EIF3K: variants seen among roughly 807,000 people sequenced by gnomAD.
EIF3K encodes eukaryotic translation initiation factor 3 subunit K.
A neutral mutation model predicts 34.2 loss-of-function variants in EIF3K; 27 were observed. That is an observed-to-expected ratio of 0.79 (90% CI 0.58 to 1.09). The LOEUF (loss-of-function observed/expected upper bound fraction) is 1.09. Among genes scored for constraint, EIF3K ranks in the 50% least tolerant of loss-of-function variants. The pLI, the probability that EIF3K is intolerant of heterozygous loss-of-function variation, is 0.00. For missense variants in EIF3K, 232 were observed against 275.4 expected, an observed-to-expected ratio of 0.84 and a Z score of 1.11; for synonymous variants, 105 against 105.7, an observed-to-expected ratio of 0.99 and a Z score of 0.04.
At chr19:38,622,731 CGACTATAAG>C (rs1975868998) in intron 2 of EIF3K, among the ~76,000 whole-genome samples, 1 of 152,208 alleles carries the variant, frequency 6.6e-6, no homozygotes, top group Non-Finnish European at 1.5e-5. Flanking sequence ...TCTGCAATCT[CGACTATAAG>C]AGACAGGTAC....
Position 38,620,366 on chromosome 19 carries a change from A to G in EIF3K, c.89A>G (p.Glu30Gly). 1 of 1,613,976 alleles carries G rather than the reference A, an allele frequency of 6.2e-7. No homozygotes were observed. The highest frequency in any genetic ancestry group is 8.5e-7 in the Non-Finnish European group (1 of 1,179,986). ...AATCCTGAGAACCTGGCCACCCTGG[A>G]GCGCTATGTAGAGACGCAGGCCAAG... ...RYNPENLATL[E>G]RYVETQAKEN... is the part of the protein sequence containing the mutation. Residue 30 changes from glutamate (E) to glycine (G), a missense_variant, in exon 2 of 8, where the codon GAG becomes GGG. Glu to Gly is a moderately conservative substitution (Grantham distance 98, BLOSUM62 -2). Coordinates refer to ENST00000248342, the MANE Select transcript of EIF3K (RefSeq NM_013234.4).
chr19:38,625,513 A>ATTTTTTTTTTT (rs1975930763), intron 3 of EIF3K, among the ~76,000 whole-genome samples: 1 of 127,544 alleles, frequency 7.8e-6, no homozygotes, highest in African/African-American at 3.7e-5. Flanking sequence ...TTTTGTTAAT[A>ATTTTTTTTTTT]TTTTCTTTTT....
At chr19:38,634,855 A>G in intron 6 of EIF3K, 138 bp from the exon 7 acceptor site, 5 of 1,272,020 alleles carry the variant, frequency 3.9e-6, no homozygotes, top group Non-Finnish European at 5.4e-6. Flanking sequence ...AGACCAGGCC[A>G]GCTGCTGCTG....
At chr19:38,633,747 C>T (rs1358218651) in intron 6 of EIF3K, among the ~76,000 whole-genome samples, 1 of 151,768 alleles carries the variant, frequency 6.6e-6, no homozygotes, top group Non-Finnish European at 1.5e-5. Flanking sequence ...GTGAGGGAGG[C>T]AGATCACGTG....
chr19:38,626,152 G>A, intron 4 of EIF3K, 50 bp downstream of exon 4: 1 of 1,561,654 alleles, frequency 6.4e-7, no homozygotes, highest in Non-Finnish European at 8.8e-7. Context: ...GCCATGTGGA[G>A]CTGAGTGCTA....
rs763429199 is a variant in EIF3K, at chr19:38,620,353, C to T, written c.76C>T (p.Leu26=). 5 of 1,613,980 alleles carry T rather than the reference C, an allele frequency of 3.1e-6. No homozygotes were observed. In the South Asian group the frequency reaches 3.3e-5, roughly 11 times the overall value. ...KGIDRYNPEN[L]ATLERYVETQ... ...CTCCTTTAGGTACAATCCTGAGAAC[C>T]TGGCCACCCTGGAGCGCTATGTAGA... The change falls in exon 2 of 8, where the codon CTG becomes TTG. Residue 26 remains leucine (L), a synonymous_variant. Coordinates refer to ENST00000248342, the MANE Select transcript of EIF3K (RefSeq NM_013234.4).
chr19:38,620,416 A>T lies in EIF3K; in HGVS notation c.139A>T (p.Asn47Tyr), dbSNP rs1478678514. The change falls in exon 2 of 8, where the codon AAC (asparagine) becomes TAC (tyrosine). Residue 47 changes from asparagine to tyrosine, a missense_variant. Transcript: ENST00000248342. ...GGAAAATGCCTATGATCTGGAAGCC[A>T]ACCTGGCTGTCCTGAAGCTGTAAGT... is the stretch of plus-strand genomic sequence containing the variant. ...AKENAYDLEA[N>Y]LAVLKLYQFN... is the part of the protein sequence containing the mutation. 1 of 1,613,922 alleles carries T rather than the reference A, an allele frequency of 6.2e-7. No individual in the cohort carries two copies. The highest frequency in any genetic ancestry group is 1.1e-5 in the South Asian group (1 of 91,016).
chr19:38,624,065 T>C lies in EIF3K; in HGVS notation c.159-12T>C. Reference sequence around the variant, plus strand: ...GTGCCACTGTGGCCACGTCTCTTGTTCTTTTTCTTAGGTACCAGTTCAACC... The same window carrying C: ...GTGCCACTGTGGCCACGTCTCTTGTCCTTTTTCTTAGGTACCAGTTCAACC... On this transcript the variant is annotated splice_polypyrimidine_tract_variant and intron_variant, in intron 2 of 7. Transcript: ENST00000248342. The C allele has an allele frequency of 6.2e-7, 1 of 1,614,092 alleles. No homozygotes were observed. The highest frequency in any genetic ancestry group is 8.5e-7 in the Non-Finnish European group (1 of 1,179,974).
chr19:38,624,717 GAC>G (rs1975912297), intron 3 of EIF3K, among the ~76,000 whole-genome samples: 1 of 151,812 alleles, frequency 6.6e-6, no homozygotes, highest in Non-Finnish European at 1.5e-5. Context: ...CACCCTGGGT[GAC>G]ACAGTGAGAC....
chr19:38,632,829 A>C (rs1208629037), intron 6 of EIF3K, 151 bp downstream of exon 6: 1 of 645,262 alleles, frequency 1.5e-6, no homozygotes, highest in Non-Finnish European at 2.6e-6. Context: ...TTGGTATAAG[A>C]CAGTCTCTGC....
chr19:38,632,231 T>C, intron 4 of EIF3K, 199 bp from the exon 5 acceptor site: 1 of 562,004 alleles, frequency 1.8e-6, no homozygotes, highest in Non-Finnish European at 3.2e-6. Context: ...GCCTGGGCAA[T>C]ATAGTGAGAC....
chr19:38,634,458 C>T (rs952368009), intron 6 of EIF3K, among the ~76,000 whole-genome samples: 5 of 151,146 alleles, frequency 3.3e-5, no homozygotes, highest in African/African-American at 7.3e-5. Context: ...ATTAGCCAGG[C>T]GTGGTGGCGC....
At position 38,621,903 on chromosome 19, in the gene EIF3K, C is replaced by CTTT. The variant is rs914363057; in HGVS notation, c.158+1488_158+1490dup. On this transcript the variant is annotated intron_variant, in intron 2 of 7. Transcript: ENST00000248342. ...ATGGACATTGTGGGTTCTTCGTGCC[C>CTTT]TTTTTTTTTTTTTTTTTTTTTTGGA... is the stretch of plus-strand genomic sequence containing the variant. Among the ~76,000 whole-genome samples, 458 of 111,440 alleles carry CTTT rather than the reference C, an allele frequency of 4.1e-3. 5 individuals are homozygous for CTTT. Among genetic ancestry groups the CTTT allele is most frequent in the African/African-American group, 0.014 (389 of 28,274 alleles). The allele number at this position is 111,440 out of a possible 152,430, so 73.1% of individuals were successfully genotyped here. A position where few individuals can be genotyped will look rare whatever the true frequency, so the allele number is the denominator to read the frequency against.
chr19:38,630,347 ATTT>A (rs71165567), intron 4 of EIF3K, among the ~76,000 whole-genome samples: 1 of 124,328 alleles, frequency 8.0e-6, no homozygotes. Flanking sequence ...TTATTTATTT[ATTT>A]TTTTTTTTTT....
chr19:38,628,755 C>T (rs1046767871), intron 4 of EIF3K, among the ~76,000 whole-genome samples: 1 of 151,400 alleles, frequency 6.6e-6, no homozygotes, highest in African/African-American at 2.4e-5. Flanking sequence ...ACCTGGGAGG[C>T]GGAGATTGCG....
intron 4 of EIF3K, 132 bp from the exon 5 acceptor site, chr19:38,632,298 G>A: frequency 1.2e-6 from 1 of 802,732 alleles, no homozygotes; most frequent in South Asian, 1.7e-5. Flanking sequence ...GGCTGAGGCA[G>A]GAAGATCACT....
chr19:38,620,278 A>G, intron 1 of EIF3K, 59 bp from the exon 2 acceptor site: 1 of 1,469,650 alleles, frequency 6.8e-7, no homozygotes, highest in South Asian at 1.2e-5. Context: ...CTTGCTCCAT[A>G]AGGTGGCTGG....
At chr19:38,633,053 C>A (rs1402122632) in intron 6 of EIF3K, among the ~76,000 whole-genome samples, 3 of 152,184 alleles carry the variant, frequency 2.0e-5, no homozygotes, top group African/African-American at 7.2e-5. Context: ...CCAGCGGCAT[C>A]TGAGCCCTTA....
At chr19:38,632,403 C>T in intron 4 of EIF3K, 27 bp from the exon 5 acceptor site, 1 of 1,599,192 alleles carries the variant, frequency 6.3e-7, no homozygotes, top group East Asian at 2.2e-5. Context: ...AAAGAATAAA[C>T]ATTGTGAACA....
Sources: gnomAD v4.1 joint callset for allele counts (sites outside exome capture counted in the v4.1 genomes callset) on GRCh38, gnomAD v4.1.1 for gene constraint, MANE v1.5 for transcripts, NCBI Gene and HGNC (gene_info 2026-07-23, HGNC 2026-07-21) for gene names.